SVIL: variants seen among roughly 807,000 people sequenced by gnomAD.
SVIL encodes the protein supervillin, also known as archvillin.
Under a neutral mutation model 240.4 loss-of-function variants are expected in SVIL, and 101 were observed. The ratio of observed to expected loss-of-function variants is 0.42; its 90% confidence interval spans 0.36 to 0.50. The LOEUF (loss-of-function observed/expected upper bound fraction) is 0.50. Among genes scored for constraint, SVIL ranks in the 20% least tolerant of loss-of-function variants. SVIL has a pLI of 0.01. For synonymous variants in SVIL, 999 were observed against 1,100.0 expected (o/e 0.91, Z 1.82); for missense variants, 2,512 against 2,818.7 (o/e 0.89, Z 2.46).
At chr10:29,543,111 A>G (rs1470894252) in intron 6 of SVIL, among the ~76,000 whole-genome samples, 3 of 152,218 alleles carry the variant, frequency 2.0e-5, no homozygotes, top group Non-Finnish European at 4.4e-5. Context: ...CATTATTGGA[A>G]TGCTAAGCAA....
chr10:29,724,370 A>AAC (rs9299624), intron 1 of SVIL, among the ~76,000 whole-genome samples: 5,917 of 146,032 alleles, frequency 0.041, 157 homozygotes, highest in East Asian at 0.1. Flanking sequence ...GAGGATTTAA[A>AAC]ACACACACAC....
intron 25 of SVIL, 64 bp downstream of exon 25, chr10:29,486,346 T>A: frequency 6.3e-7 from 1 of 1,597,352 alleles, no homozygotes; most frequent in South Asian, 1.1e-5. Flanking sequence ...AATAGAAGAA[T>A]GAGCTAAGGG....
At chr10:29,463,801 G>C (rs1228537166) in intron 34 of SVIL, among the ~76,000 whole-genome samples, 166 bp from the exon 35 acceptor site, 1 of 152,176 alleles carries the variant, frequency 6.6e-6, no homozygotes. Flanking sequence ...GAGAAACCCA[G>C]GATACCCCAG....
At chr10:29,494,615 T>C (rs887722247) in intron 20 of SVIL, among the ~76,000 whole-genome samples, 2 of 152,240 alleles carry the variant, frequency 1.3e-5, no homozygotes, top group Non-Finnish European at 1.5e-5. Flanking sequence ...TAACATACAA[T>C]TTAAAGTTCA....
intron 6 of SVIL, among the ~76,000 whole-genome samples, chr10:29,543,501 G>A (rs958523495): frequency 1.3e-5 from 2 of 152,160 alleles, no homozygotes; most frequent in Admixed American, 1.3e-4. Context: ...ACGAACTGCT[G>A]TTAAATCAGG....
chr10:29,469,840 G>A (rs192483318), intron 32 of SVIL, among the ~76,000 whole-genome samples: 38 of 152,334 alleles, frequency 2.5e-4, no homozygotes, highest in African/African-American at 9.1e-4. Flanking sequence ...ATATCTTATC[G>A]TCTGACACAG....
intron 1 of SVIL, among the ~76,000 whole-genome samples, chr10:29,702,633 T>C (rs766205287): frequency 6.6e-6 from 1 of 152,230 alleles, no homozygotes; most frequent in African/African-American, 2.4e-5. Context: ...TTGGAAACCC[T>C]AACAGCCATC....
chr10:29,551,554 T>C (rs1232484821), intron 5 of SVIL, among the ~76,000 whole-genome samples: 3 of 152,242 alleles, frequency 2.0e-5, no homozygotes, highest in Admixed American at 2.0e-4. Context: ...GCCTCAGTCT[T>C]TGTTCAGTGC....
intron 3 of SVIL, among the ~76,000 whole-genome samples, chr10:29,644,370 G>A (rs925582685): frequency 2.6e-4 from 40 of 152,234 alleles, no homozygotes; most frequent in Admixed American, 1.9e-3. Context: ...ACACAGGAGC[G>A]AGGAGCCTTC....
intron 33 of SVIL, 152 bp downstream of exon 33, chr10:29,467,590 G>T: frequency 1.0e-6 from 1 of 965,148 alleles, no homozygotes; most frequent in Non-Finnish European, 1.5e-6. Flanking sequence ...CACTTTGAGA[G>T]GCTGAGGCAG....
chr10:29,523,786 A>G lies in SVIL; in HGVS notation c.2828T>C (p.Met943Thr). ...TTCTGTCTCTCCATATTCTCTCAAC[A>G]TTCCCTTGTTCTCGCTACCCTCTAC... Reference protein sequence around the residue: ...PLVEGSENKGMLREYGETESK... With the variant: ...PLVEGSENKGTLREYGETESK... The change falls in exon 15 of 38, where the codon ATG (methionine) becomes ACG (threonine). Residue 943 changes from methionine (M) to threonine (T), a missense_variant. Met to Thr is a moderately conservative substitution (Grantham distance 81). Around this residue, in one of 3 missense-constraint regions of SVIL, gnomAD observed 1,443 missense variants for 1,486.6 expected, o/e 0.97. Coordinates refer to ENST00000355867, the MANE Select transcript of SVIL (RefSeq NM_021738.3). 6.2e-7 allele frequency: 1 copy of G among 1,614,146 alleles called. No individual in the cohort carries two copies. Among genetic ancestry groups the G allele is most frequent in the South Asian group, 1.1e-5 (1 of 91,082 alleles).
At chr10:29,529,642 T>TC in intron 12 of SVIL, 63 bp downstream of exon 12, 8 of 1,514,058 alleles carry the variant, frequency 5.3e-6, no homozygotes, top group Non-Finnish European at 7.1e-6. Flanking sequence ...TGAACACTCT[T>TC]TAAATGTATT....
chr10:29,514,775 G>A lies in SVIL; in HGVS notation c.3390-1914C>T, dbSNP rs146671866. Among the ~76,000 whole-genome samples, 292 of 152,226 alleles carry A rather than the reference G, an allele frequency of 1.9e-3. 1 individual carries two copies. The highest frequency in any genetic ancestry group is 6.8e-3 in the African/African-American group (283 of 41,538). ...CTCCCTCCTATATCTGTCACATCAG[G>A]AACTGGTCAGATGATCTCTAAGGGT... On this transcript the variant is annotated intron_variant, in intron 16 of 37. Coordinates refer to ENST00000355867, the MANE Select transcript of SVIL (RefSeq NM_021738.3).
intron 12 of SVIL, among the ~76,000 whole-genome samples, chr10:29,528,845 A>G (rs149330278): frequency 3.3e-3 from 504 of 152,072 alleles, no homozygotes; most frequent in African/African-American, 0.011. Context: ...ATATTGAAAC[A>G]TATTATTCAA....
intron 1 of SVIL, among the ~76,000 whole-genome samples, chr10:29,713,532 A>T (rs542857710): frequency 4.0e-4 from 60 of 150,820 alleles, no homozygotes; most frequent in Admixed American, 1.7e-3. Context: ...GAGTCAGCAA[A>T]TTTTTTTTTT....
intron 27 of SVIL, chr10:29,483,601 TAC>T (rs1473024064): frequency 6.6e-6 from 1 of 152,242 alleles, no homozygotes; most frequent in African/African-American, 2.4e-5. Context: ...CACTATTAAA[TAC>T]AGTTGGCTAT....
At position 29,458,118 on chromosome 10, in the gene SVIL, A is replaced by G. The variant is rs1943764937; in HGVS notation, c.*129T>C. Reference sequence around the variant, plus strand: ...TCCGGGACAAGCAGTATCTTTAACAATGTCAGGTTCTGAAAACTCTGATTG... The same window carrying G: ...TCCGGGACAAGCAGTATCTTTAACAGTGTCAGGTTCTGAAAACTCTGATTG... On this transcript the variant is annotated 3_prime_UTR_variant, in exon 38 of 38. Transcript: ENST00000355867. 1 of 878,378 alleles carries G rather than the reference A, an allele frequency of 1.1e-6. No individual in the cohort carries two copies. The highest frequency in any genetic ancestry group is 1.7e-5 in the South Asian group (1 of 57,550). The allele number at this position is 878,378 out of a possible 1,614,324, so 54.4% of individuals were successfully genotyped here. A position where few individuals can be genotyped will look rare whatever the true frequency, so the allele number is the denominator to read the frequency against.
At chr10:29,599,365 T>C (rs187320110) in intron 1 of SVIL, among the ~76,000 whole-genome samples, 99 of 151,914 alleles carry the variant, frequency 6.5e-4, no homozygotes, top group Non-Finnish European at 1.3e-3. Flanking sequence ...AATGTTGTTT[T>C]CTTTCTTTTA....
At chr10:29,520,129 A>G (rs1950466427) in intron 16 of SVIL, among the ~76,000 whole-genome samples, 1 of 152,262 alleles carries the variant, frequency 6.6e-6, no homozygotes, top group Admixed American at 6.5e-5. Context: ...TCCTAAGTCC[A>G]GATGGACAGA....
Sources: allele counts gnomAD v4.1 joint callset (sites outside exome capture counted in the v4.1 genomes callset), GRCh38; gene constraint gnomAD v4.1.1; regional missense constraint gnomAD v4.1.1; transcripts MANE v1.5; gene names NCBI Gene and HGNC (gene_info 2026-07-23, HGNC 2026-07-21).